The following BBS9 variants were observed in gnomAD, a reference collection of about 807,000 sequenced individuals.
The protein encoded by BBS9 is Bardet-Biedl syndrome 9.
A neutral mutation model predicts 117.7 loss-of-function variants in BBS9; 89 were observed. The observed-to-expected ratio is 0.76, with a 90% CI of 0.64 to 0.90. BBS9 has a LOEUF of 0.90. Ranked by LOEUF, BBS9 falls within the 40% of genes least tolerant of loss-of-function variation. The pLI, the probability that BBS9 is intolerant of heterozygous loss-of-function variation, is 0.00. For missense variants in BBS9, 982 were observed against 1,042.2 expected (o/e 0.94, Z 0.80); for synonymous variants, 379 against 370.9 (o/e 1.02, Z -0.25).
At chr7:33,321,233 C>A (rs1811650772) in intron 9 of BBS9, among the ~76,000 whole-genome samples, 1 of 151,978 alleles carries the variant, frequency 6.6e-6, no homozygotes, top group Non-Finnish European at 1.5e-5. Context: ...TTTTGTGCTT[C>A]CATATAAATC....
rs1331963553 is a variant in BBS9, at chr7:33,323,957, CCTCTCGAGCAG to C, written c.1017-12481_1017-12471del. 6.6e-5 allele frequency among the ~76,000 whole-genome samples: 10 copies of C among 151,550 alleles called. No homozygotes were observed. The East Asian group carries it at 1.7e-3, about 26-fold the overall frequency. On this transcript the variant is annotated intron_variant, in intron 9 of 22. Transcript: ENST00000242067. The stretch of plus-strand genomic sequence containing the variant: ...GGTTCAAGCAATTCTCCTGCGTCAG[CCTCTCGAGCAG>C]CTGAGATTACAGGCAGGTGCCACCA...
intron 14 of BBS9, chr7:33,352,033 C>T (rs1227667416): frequency 6.5e-6 from 1 of 153,132 alleles, no homozygotes; most frequent in Non-Finnish European, 1.5e-5. Context: ...AGCCCTCAGG[C>T]TGTTTTAAGC....
In BBS9 at chr7:33,534,016, T is replaced by C; in HGVS notation, c.2361T>C (p.Ser787=). The change falls in exon 21 of 23, where the codon AGT becomes AGC. Residue 787 remains serine, a synonymous_variant. Coordinates refer to ENST00000242067, the MANE Select transcript of BBS9 (RefSeq NM_198428.3). The stretch of plus-strand genomic sequence containing the variant: ...TGTTGAAGACTTGCCTGTCGAAGAG[T>C]TCTAAGGAGCAGGCTTTGAACCTCA... ...SHLLKTCLSK[S]SKEQALNLNS... 6.2e-7 allele frequency: 1 copy of C among 1,613,944 alleles called. No homozygotes were observed. Among genetic ancestry groups the C allele is most frequent in the Non-Finnish European group, 8.5e-7 (1 of 1,179,998 alleles).
At chr7:33,539,764 A>G (rs985018210) in intron 21 of BBS9, among the ~76,000 whole-genome samples, 1 of 152,202 alleles carries the variant, frequency 6.6e-6, no homozygotes, top group African/African-American at 2.4e-5. Flanking sequence ...TTCACTGCTC[A>G]CTGGCCTTGC....
intron 5 of BBS9, among the ~76,000 whole-genome samples, chr7:33,229,851 G>A (rs1259160909): frequency 6.6e-6 from 1 of 151,990 alleles, no homozygotes; most frequent in Non-Finnish European, 1.5e-5. Flanking sequence ...TTCCATAATG[G>A]CTATATCAAT....
chr7:33,288,368 A>T (rs10951383), intron 9 of BBS9, among the ~76,000 whole-genome samples: 1 of 151,976 alleles, frequency 6.6e-6, no homozygotes, highest in Non-Finnish European at 1.5e-5. Flanking sequence ...TGGTACCTCA[A>T]AATGAGAGAC....
chr7:33,592,180 A>G (rs1159657918), intron 21 of BBS9, among the ~76,000 whole-genome samples: 2 of 152,066 alleles, frequency 1.3e-5, no homozygotes, highest in Non-Finnish European at 2.9e-5. Flanking sequence ...ATTTGGCTGT[A>G]ACTTGTAATG....
intron 5 of BBS9, among the ~76,000 whole-genome samples, chr7:33,190,815 G>T (rs974195913): frequency 1.3e-5 from 2 of 152,208 alleles, no homozygotes; most frequent in Admixed American, 6.5e-5. Flanking sequence ...TGAGCCACAG[G>T]TGTGGGAAGT....
intron 19 of BBS9, among the ~76,000 whole-genome samples, chr7:33,416,476 A>G (rs958820228): frequency 4.6e-5 from 7 of 152,052 alleles, no homozygotes; most frequent in East Asian, 3.9e-4. Context: ...GAGGTTTTGT[A>G]TATTTTAGGG....
intron 19 of BBS9, among the ~76,000 whole-genome samples, chr7:33,388,650 G>C (rs1826480333): frequency 2.0e-5 from 3 of 151,972 alleles, no homozygotes. Flanking sequence ...TTTTCTTCTT[G>C]ATCACCTTCC....
intron 15 of BBS9, among the ~76,000 whole-genome samples, chr7:33,356,942 A>C (rs1056515536): frequency 1.3e-4 from 19 of 151,828 alleles, no homozygotes; most frequent in African/African-American, 4.6e-4. Context: ...ATAGGCTTCT[A>C]TATATTATCT....
At chr7:33,472,290 C>A (rs1337516032) in intron 19 of BBS9, among the ~76,000 whole-genome samples, 1 of 152,162 alleles carries the variant, frequency 6.6e-6, no homozygotes, top group Non-Finnish European at 1.5e-5. Flanking sequence ...AAATGAGAAT[C>A]TTGGATAAAG....
rs149200153 is a variant in BBS9, at chr7:33,417,218, T to C, written c.2115+29074T>C. On this transcript the variant is annotated intron_variant, in intron 19 of 22. Coordinates refer to ENST00000242067, the MANE Select transcript of BBS9 (RefSeq NM_198428.3). ...CTAGTTTTTTATTTGAAATGTGTTC[T>C]GATTCAGTTCTATTTTAGTACATCA... is the stretch of plus-strand genomic sequence containing the variant. Among the ~76,000 whole-genome samples, 523 of 152,360 alleles carry C rather than the reference T, an allele frequency of 3.4e-3. 6 individuals are homozygous for C. The highest frequency in any genetic ancestry group is 0.011 in the African/African-American group (477 of 41,586).
chr7:33,139,276 C>T (rs1584093731), intron 1 of BBS9, among the ~76,000 whole-genome samples: 2 of 150,968 alleles, frequency 1.3e-5, no homozygotes, highest in South Asian at 4.2e-4. Flanking sequence ...AAAAACAAAA[C>T]AAAACAAAAA....
intron 17 of BBS9, among the ~76,000 whole-genome samples, chr7:33,373,966 T>G (rs1563081429): frequency 6.6e-6 from 1 of 152,216 alleles, no homozygotes; most frequent in Non-Finnish European, 1.5e-5. Context: ...AGTATTATTT[T>G]ACTTCATCTT....
chr7:33,268,548 T>C (rs1799206578), intron 7 of BBS9, among the ~76,000 whole-genome samples: 1 of 152,220 alleles, frequency 6.6e-6, no homozygotes, highest in Non-Finnish European at 1.5e-5. Context: ...CCTTGCAAAC[T>C]ATTGTTTCAT....
At chr7:33,563,609 G>A (rs1349735270) in intron 21 of BBS9, among the ~76,000 whole-genome samples, 1 of 152,176 alleles carries the variant, frequency 6.6e-6, no homozygotes, top group East Asian at 1.9e-4. Context: ...AAGAAATAGT[G>A]TGTATTTTTG....
intron 20 of BBS9, among the ~76,000 whole-genome samples, chr7:33,507,859 TA>T (rs1248547379): frequency 6.6e-6 from 1 of 152,216 alleles, no homozygotes; most frequent in African/African-American, 2.4e-5. Context: ...AAAGTGCTGT[TA>T]AAACACGTAC....
At chr7:33,209,421 T>G (rs1787590732) in intron 5 of BBS9, among the ~76,000 whole-genome samples, 1 of 152,220 alleles carries the variant, frequency 6.6e-6, no homozygotes, top group African/African-American at 2.4e-5. Flanking sequence ...TGCAGATATC[T>G]CTTTGATATA....
Sources: gnomAD v4.1 joint callset for allele counts (sites outside exome capture counted in the v4.1 genomes callset) on GRCh38, gnomAD v4.1.1 for gene constraint, MANE v1.5 for transcripts, NCBI Gene and HGNC (gene_info 2026-07-23, HGNC 2026-07-21) for gene names.